MTX2: variants seen among roughly 807,000 people sequenced by gnomAD.
MTX2 encodes metaxin 2, also known as metaxin-2.
MTX2 carries 35 observed loss-of-function variants against 42.3 expected under a neutral mutation model. That is an observed-to-expected ratio of 0.83 (90% confidence interval 0.63 to 1.10). MTX2 has a LOEUF of 1.10. MTX2 is among the 50% of genes least tolerant of loss of function. The probability of loss-of-function intolerance (pLI) is 0.00; values close to 1 mark genes in which losing one functional copy is unlikely to be tolerated. For missense variants in MTX2, 307 were observed against 304.1 expected, an observed-to-expected ratio of 1.01 and a Z score of -0.07; for synonymous variants, 119 against 100.9, an observed-to-expected ratio of 1.18 and a Z score of -1.08.
rs1685023457 is a variant in MTX2 at position 176,337,541 on chromosome 2, T to G, written c.669T>G (p.Leu223=). 2 of 1,613,226 alleles carry G rather than the reference T, an allele frequency of 1.2e-6. No individual in the cohort carries two copies. The highest frequency in any genetic ancestry group is 1.7e-6 in the Non-Finnish European group (2 of 1,179,408). The change falls in exon 10 of 10, where the codon CTT becomes CTG. Residue 223 remains leucine, a synonymous_variant. Transcript: ENST00000249442. ...TATTTGGCCATCTATACACCATTCT[T>G]ACCACACAATTGACAAATGATGAAC... ...ALVFGHLYTI[L]TTQLTNDELS...
At chr2:176,293,974 CTT>C (rs1265918985) in intron 1 of MTX2, among the ~76,000 whole-genome samples, 3 of 152,146 alleles carry the variant, frequency 2.0e-5, no homozygotes, top group East Asian at 1.9e-4. Flanking sequence ...CTTGCCTTCT[CTT>C]TTTAAATCAT....
chr2:176,278,514 G>T (rs1693002635), intron 1 of MTX2, among the ~76,000 whole-genome samples: 1 of 152,082 alleles, frequency 6.6e-6, no homozygotes, highest in Non-Finnish European at 1.5e-5. Context: ...GAAATTACAT[G>T]ATTTTTAGTT....
chr2:176,269,692 C>G, intron 1 of MTX2, 23 bp downstream of exon 1: 2 of 1,586,604 alleles, frequency 1.3e-6, no homozygotes, highest in Non-Finnish European at 1.7e-6. Context: ...GCCGCAGACC[C>G]AGAAGGTGGC....
chr2:176,270,949 C>T (rs1200077951), intron 1 of MTX2, among the ~76,000 whole-genome samples: 1 of 151,718 alleles, frequency 6.6e-6, no homozygotes, highest in Non-Finnish European at 1.5e-5. Context: ...GTTAGATCAG[C>T]GATTTAATTT....
chr2:176,308,380 C>T (rs781075812), intron 3 of MTX2, among the ~76,000 whole-genome samples: 15 of 152,156 alleles, frequency 9.9e-5, no homozygotes, highest in South Asian at 2.1e-4. Flanking sequence ...TGTTGTGTCT[C>T]TGCCAGGCTC....
intron 3 of MTX2, among the ~76,000 whole-genome samples, chr2:176,312,833 A>G (rs920383558): frequency 2.7e-5 from 4 of 147,560 alleles, no homozygotes; most frequent in Non-Finnish European, 4.4e-5. Context: ...ATTGCACTCC[A>G]GCCTGGGCAA....
chr2:176,286,892 A>G (rs780310314), intron 1 of MTX2, among the ~76,000 whole-genome samples: 2 of 152,166 alleles, frequency 1.3e-5, no homozygotes, highest in African/African-American at 2.4e-5. Flanking sequence ...CTTGTTCCAA[A>G]TGAATGGGTT....
chr2:176,326,701 A>G (rs1684714683), intron 4 of MTX2, 124 bp from the exon 5 acceptor site: 3 of 620,788 alleles, frequency 4.8e-6, no homozygotes, highest in Non-Finnish European at 7.9e-6. Context: ...AAAATTTTCA[A>G]AAGTTACAGT....
At chr2:176,288,951 G>T (rs938602684) in intron 1 of MTX2, among the ~76,000 whole-genome samples, 1 of 151,728 alleles carries the variant, frequency 6.6e-6, no homozygotes, top group Non-Finnish European at 1.5e-5. Context: ...TTTGAAATAC[G>T]TTGATTTGAA....
intron 3 of MTX2, among the ~76,000 whole-genome samples, chr2:176,322,828 T>C (rs1684617025): frequency 6.6e-6 from 1 of 152,004 alleles, no homozygotes; most frequent in African/African-American, 2.4e-5. Context: ...GACATTTAAA[T>C]TGCTTATAAC....
chr2:176,312,256 G>T (rs1206702679), intron 3 of MTX2, among the ~76,000 whole-genome samples: 1 of 152,128 alleles, frequency 6.6e-6, no homozygotes, highest in African/African-American at 2.4e-5. Flanking sequence ...ACTTAGGAAT[G>T]TTTGCATTTA....
Position 176,307,189 on chromosome 2 carries a change from G to C in MTX2, c.135+9294G>C, listed in dbSNP as rs533755966. Among the ~76,000 whole-genome samples the C allele has an allele frequency of 2.6e-5, 4 of 152,178 alleles. No homozygotes were observed. The East Asian group carries it at 5.8e-4, about 22-fold the overall frequency. ...AATCCTTTTCACATTTCTTGTTTTTGTCAGGTTTGTCAAAGATCAGATGGT... is the reference window on the plus strand; with the variant it reads ...AATCCTTTTCACATTTCTTGTTTTTCTCAGGTTTGTCAAAGATCAGATGGT... On this transcript the variant is annotated intron_variant, in intron 3 of 9. Transcript: ENST00000249442.
At chr2:176,286,983 G>A (rs1271442940) in intron 1 of MTX2, among the ~76,000 whole-genome samples, 7 of 152,220 alleles carry the variant, frequency 4.6e-5, no homozygotes, top group African/African-American at 1.7e-4. Context: ...GTGTTTTAGA[G>A]ATTATACACT....
chr2:176,277,105 C>G (rs2105394752), intron 1 of MTX2, among the ~76,000 whole-genome samples: 1 of 152,216 alleles, frequency 6.6e-6, no homozygotes, highest in South Asian at 2.1e-4. Flanking sequence ...ATGTACGCAT[C>G]TTGAAAGTGT....
At chr2:176,336,991 A>C (rs896697468) in intron 9 of MTX2, among the ~76,000 whole-genome samples, 1 of 152,198 alleles carries the variant, frequency 6.6e-6, no homozygotes, top group East Asian at 1.9e-4. Flanking sequence ...TTGAGAAAGA[A>C]AGAAAAAATG....
chr2:176,309,537 G>A (rs1186745850), intron 3 of MTX2, among the ~76,000 whole-genome samples: 1 of 152,082 alleles, frequency 6.6e-6, no homozygotes, highest in East Asian at 1.9e-4. Context: ...AAGTCTCTTT[G>A]TAGGTCTCTA....
intron 9 of MTX2, 45 bp downstream of exon 9, chr2:176,330,705 G>GAAAAAAAGAAAT: frequency 7.6e-7 from 1 of 1,317,218 alleles, no homozygotes; most frequent in East Asian, 2.3e-5. Flanking sequence ...GTACTGTTAG[G>GAAAAAAAGAAAT]TTGCAAATTT....
At chr2:176,311,204 T>C (rs537642449) in intron 3 of MTX2, among the ~76,000 whole-genome samples, 1 of 152,196 alleles carries the variant, frequency 6.6e-6, no homozygotes, top group Non-Finnish European at 1.5e-5. Context: ...CTCCAGACCC[T>C]GTTTGCCTGG....
At position 176,318,733 on chromosome 2, in the gene MTX2, T is replaced by A. The variant is rs139505109; in HGVS notation, c.136-4659T>A. Among the ~76,000 whole-genome samples the A allele has an allele frequency of 3.7e-3, 560 of 152,350 alleles. 6 individuals are homozygous for A. The highest frequency in any genetic ancestry group is 0.036 in the East Asian group (185 of 5,184). On this transcript the variant is annotated intron_variant, in intron 3 of 9. Transcript: ENST00000249442. ...TTGCTATAATCACTTTCAGATGATGTCAGCCTCTCTTGCTAAGGTCTCCTT... is the reference window on the plus strand; with the variant it reads ...TTGCTATAATCACTTTCAGATGATGACAGCCTCTCTTGCTAAGGTCTCCTT...
Sources: gnomAD v4.1 joint callset for allele counts (sites outside exome capture counted in the v4.1 genomes callset) on GRCh38, gnomAD v4.1.1 for gene constraint, MANE v1.5 for transcripts, NCBI Gene and HGNC (gene_info 2026-07-23, HGNC 2026-07-21) for gene names.